Variants in NRG3 observed in about 807,000 individuals in gnomAD.
NRG3 encodes the protein neuregulin 3, also known as pro-neuregulin-3, membrane-bound isoform.
In NRG3, 31 loss-of-function variants were observed where a neutral mutation model predicts 66.9. The ratio of observed to expected loss-of-function variants is 0.46; its 90% CI spans 0.35 to 0.63. NRG3 has a LOEUF of 0.63. NRG3 is among the 20% of genes least tolerant of loss of function. The probability of loss-of-function intolerance (pLI) is 0.00; values close to 1 mark genes in which losing one functional copy is unlikely to be tolerated. For synonymous variants in NRG3, 393 were observed against 359.4 expected (o/e 1.09, Z -1.06); for missense variants, 910 against 878.9 (o/e 1.04, Z -0.45).
chr10:82,599,625 C>G (rs980765365), intron 2 of NRG3, among the ~76,000 whole-genome samples: 11 of 152,074 alleles, frequency 7.2e-5, no homozygotes, highest in African/African-American at 2.7e-4. Flanking sequence ...ACCAACCTAG[C>G]CAACATGGTG....
intron 1 of NRG3, among the ~76,000 whole-genome samples, chr10:82,175,319 T>A (rs1487483479): frequency 6.6e-6 from 1 of 152,150 alleles, no homozygotes; most frequent in African/African-American, 2.4e-5. Context: ...TCTTTCTTAT[T>A]GAAAAAAAAC....
At chr10:82,011,502 C>A (rs183867226) in intron 1 of NRG3, among the ~76,000 whole-genome samples, 2 of 152,286 alleles carry the variant, frequency 1.3e-5, no homozygotes, top group East Asian at 3.9e-4. Context: ...AACAGTCTCC[C>A]AAAGTCTTAA....
In NRG3 at chr10:82,278,546, G is replaced by A. The variant is rs151027572; in HGVS notation, c.824-80193G>A. On this transcript the variant is annotated intron_variant, in intron 1 of 8. Transcript: ENST00000372141. ...TCAATAAGAGCAATTGGCTTTCCTCGTCGAGGTTCGTGCAAACAGAATTGA... is the reference window on the plus strand; with the variant it reads ...TCAATAAGAGCAATTGGCTTTCCTCATCGAGGTTCGTGCAAACAGAATTGA... Among the ~76,000 whole-genome samples, 731 of 152,162 alleles carry A rather than the reference G, an allele frequency of 4.8e-3. 6 individuals carry two copies. Among genetic ancestry groups the A allele is most frequent in the African/African-American group, 0.017 (701 of 41,534 alleles).
intron 1 of NRG3, among the ~76,000 whole-genome samples, chr10:82,110,059 G>C (rs923560516): frequency 3.9e-5 from 6 of 152,094 alleles, no homozygotes; most frequent in African/African-American, 1.4e-4. Flanking sequence ...ACACAAAACA[G>C]GTCAAGCATG....
chr10:82,183,611 A>T (rs2073588116), intron 1 of NRG3, among the ~76,000 whole-genome samples: 1 of 152,090 alleles, frequency 6.6e-6, no homozygotes, highest in African/African-American at 2.4e-5. Context: ...ATTTAATAAA[A>T]TAATATTTGC....
At chr10:82,898,769 T>C (rs1364762996) in intron 4 of NRG3, among the ~76,000 whole-genome samples, 1 of 137,740 alleles carries the variant, frequency 7.3e-6, no homozygotes, top group Non-Finnish European at 1.5e-5. Flanking sequence ...TCTCCCAGGC[T>C]GGAGTGCAGT....
intron 1 of NRG3, among the ~76,000 whole-genome samples, chr10:82,073,076 C>T (rs1215126684): frequency 6.6e-6 from 1 of 151,292 alleles, no homozygotes; most frequent in Non-Finnish European, 1.5e-5. Flanking sequence ...CACTGGGCCT[C>T]TACTGTAGAC....
intron 1 of NRG3, among the ~76,000 whole-genome samples, chr10:81,976,069 A>T (rs1306506026): frequency 6.6e-6 from 1 of 152,198 alleles, no homozygotes; most frequent in African/African-American, 2.4e-5. Flanking sequence ...TTTAGATTTA[A>T]TACCTTCAGA....
chr10:82,056,894 TTTTTAAAACTTCTATTTA>T (rs2063871178), intron 1 of NRG3, among the ~76,000 whole-genome samples: 2 of 152,126 alleles, frequency 1.3e-5, no homozygotes, highest in Non-Finnish European at 2.9e-5. Flanking sequence ...CCACAGCTGT[TTTTTAAAACTTCTATTTA>T]TTTTTACACT....
intron 2 of NRG3, among the ~76,000 whole-genome samples, chr10:82,466,110 C>T (rs1176501740): frequency 1.3e-5 from 2 of 152,162 alleles, no homozygotes; most frequent in Non-Finnish European, 2.9e-5. Context: ...CTTCCAGGCA[C>T]CTGTGTCTGG....
At chr10:81,936,873 C>T (rs576978704) in intron 1 of NRG3, among the ~76,000 whole-genome samples, 1 of 152,226 alleles carries the variant, frequency 6.6e-6, no homozygotes, top group African/African-American at 2.4e-5. Flanking sequence ...AAAAATTAAT[C>T]ATCATGTCAT....
intron 4 of NRG3, among the ~76,000 whole-genome samples, chr10:82,925,060 A>G (rs1162264227): frequency 6.6e-6 from 1 of 152,180 alleles, no homozygotes; most frequent in Non-Finnish European, 1.5e-5. Flanking sequence ...CCTGTACAGA[A>G]GACATAAGCA....
chr10:81,896,489 A>G (rs1265350090), intron 1 of NRG3, among the ~76,000 whole-genome samples: 1 of 152,174 alleles, frequency 6.6e-6, no homozygotes, highest in Admixed American at 6.5e-5. Flanking sequence ...GCAAACTATT[A>G]AGTAAGATTT....
At chr10:82,700,894 T>A (rs1210407258) in intron 2 of NRG3, among the ~76,000 whole-genome samples, 1 of 152,112 alleles carries the variant, frequency 6.6e-6, no homozygotes, top group African/African-American at 2.4e-5. Flanking sequence ...CACCTTTAAC[T>A]CGTGTCACAG....
chr10:82,527,325 A>G (rs1457007565), intron 2 of NRG3, among the ~76,000 whole-genome samples: 1 of 68,118 alleles, frequency 1.5e-5, no homozygotes, highest in Non-Finnish European at 2.7e-5. Context: ...AAAAAAAAAT[A>G]TTAGTAAATA....
chr10:82,459,631 T>G (rs2091426865), intron 2 of NRG3, among the ~76,000 whole-genome samples: 2 of 152,184 alleles, frequency 1.3e-5, no homozygotes, highest in Non-Finnish European at 2.9e-5. Context: ...CTCTGCATCA[T>G]CCTTTAAATG....
intron 1 of NRG3, among the ~76,000 whole-genome samples, chr10:82,050,578 T>C (rs2133124449): frequency 6.6e-6 from 1 of 152,182 alleles, no homozygotes; most frequent in South Asian, 2.1e-4. Flanking sequence ...CTCAGACTGG[T>C]ATAACTCACA....
At chr10:82,949,007 C>T (rs551224348) in intron 4 of NRG3, among the ~76,000 whole-genome samples, 2 of 152,190 alleles carry the variant, frequency 1.3e-5, no homozygotes, top group Admixed American at 6.5e-5. Flanking sequence ...AAAAAACATT[C>T]TTTCACAGCT....
chr10:82,567,762 T>A (rs1163691188), intron 2 of NRG3, among the ~76,000 whole-genome samples: 1 of 152,010 alleles, frequency 6.6e-6, no homozygotes, highest in African/African-American at 2.4e-5. Flanking sequence ...TGCTTCCAAA[T>A]GTCTCTTCAG....
Sources: gnomAD v4.1 joint callset for allele counts (sites outside exome capture counted in the v4.1 genomes callset) on GRCh38, gnomAD v4.1.1 for gene constraint, MANE v1.5 for transcripts, NCBI Gene and HGNC (gene_info 2026-07-23, HGNC 2026-07-21) for gene names.